ST6GALNAC3: variants seen among roughly 807,000 people sequenced by gnomAD.
ST6GALNAC3 encodes ST6 N-acetylgalactosaminide alpha-2,6-sialyltransferase 3, also known as alpha-N-acetylgalactosaminide alpha-2,6-sialyltransferase 3.
Under a neutral mutation model 32.7 loss-of-function variants are expected in ST6GALNAC3, and 25 were observed. The ratio of observed to expected loss-of-function variants is 0.76; its 90% CI spans 0.56 to 1.07. The LOEUF (loss-of-function observed/expected upper bound fraction) is 1.07. Among genes scored for constraint, ST6GALNAC3 ranks in the 50% least tolerant of loss-of-function variants. The probability of loss-of-function intolerance (pLI) is 0.00; values close to 1 mark genes in which losing one functional copy is unlikely to be tolerated. For missense variants in ST6GALNAC3, 355 were observed against 382.4 expected (o/e 0.93, Z 0.60); for synonymous variants, 129 against 133.1 (o/e 0.97, Z 0.21).
chr1:76,446,860 C>A (rs1458686792), intron 3 of ST6GALNAC3, among the ~76,000 whole-genome samples: 1 of 152,116 alleles, frequency 6.6e-6, no homozygotes, highest in African/African-American at 2.4e-5. Context: ...ACTATAAGTC[C>A]ATTAAACCCT....
chr1:76,446,362 T>A (rs1005246433), intron 3 of ST6GALNAC3, among the ~76,000 whole-genome samples: 1 of 152,154 alleles, frequency 6.6e-6, no homozygotes. Flanking sequence ...GCAAAGTGTA[T>A]GTGAGCATGT....
rs546877538 is a variant in ST6GALNAC3 at position 76,560,925 on chromosome 1, A to G, written c.624-66527A>G. Among the ~76,000 whole-genome samples, 5 of 151,644 alleles carry G rather than the reference A, an allele frequency of 3.3e-5. No individual in the cohort carries two copies. The South Asian group carries it at 1.0e-3, about 31-fold the overall frequency. On this transcript the variant is annotated intron_variant, in intron 3 of 4. Transcript: ENST00000328299. Reference sequence around the variant, plus strand: ...AAGAACTTGGAAGCCAAAATTTGGAAGCCAAAACTTGGAAGCAACCTAAGT... The same window carrying G: ...AAGAACTTGGAAGCCAAAATTTGGAGGCCAAAACTTGGAAGCAACCTAAGT...
chr1:76,171,142 A>G (rs1438237214), intron 1 of ST6GALNAC3, among the ~76,000 whole-genome samples: 1 of 150,270 alleles, frequency 6.7e-6, no homozygotes, highest in African/African-American at 2.5e-5. Context: ...TATTATCCCA[A>G]ATAATCATAT....
intron 1 of ST6GALNAC3, among the ~76,000 whole-genome samples, chr1:76,181,513 T>C (rs1460951384): frequency 6.6e-6 from 1 of 152,230 alleles, no homozygotes; most frequent in Non-Finnish European, 1.5e-5. Context: ...TGTTTTATTC[T>C]TTCAATTACA....
intron 3 of ST6GALNAC3, among the ~76,000 whole-genome samples, chr1:76,618,915 A>G (rs535883379): frequency 3.9e-5 from 6 of 152,324 alleles, no homozygotes; most frequent in Middle Eastern, 3.4e-3. Context: ...GCTATGTTCT[A>G]GGATGGAATG....
At chr1:76,505,832 A>C (rs1438317390) in intron 3 of ST6GALNAC3, among the ~76,000 whole-genome samples, 3 of 152,012 alleles carry the variant, frequency 2.0e-5, no homozygotes, top group Non-Finnish European at 2.9e-5. Flanking sequence ...AAATAGATGC[A>C]TGGGGCAACG....
intron 1 of ST6GALNAC3, among the ~76,000 whole-genome samples, chr1:76,124,793 T>C (rs1649135026): frequency 6.6e-6 from 1 of 152,192 alleles, no homozygotes; most frequent in Non-Finnish European, 1.5e-5. Context: ...GGGTAAAATA[T>C]TTGTATACAA....
chr1:76,149,273 A>G (rs1650890048), intron 1 of ST6GALNAC3, among the ~76,000 whole-genome samples: 1 of 152,218 alleles, frequency 6.6e-6, no homozygotes, highest in Non-Finnish European at 1.5e-5. Flanking sequence ...TCAACCATGT[A>G]TAGTGAAGAA....
At chr1:76,136,966 A>G (rs1055256784) in intron 1 of ST6GALNAC3, among the ~76,000 whole-genome samples, 4 of 152,226 alleles carry the variant, frequency 2.6e-5, no homozygotes, top group East Asian at 3.8e-4. Context: ...AGTCTTTACA[A>G]TAGCTTATGA....
rs142019294 is a variant in ST6GALNAC3 at position 76,567,200 on chromosome 1, G to A, written c.624-60252G>A. Among the ~76,000 whole-genome samples the A allele has an allele frequency of 4.4e-3, 674 of 152,270 alleles. 1 individual carries two copies. Among genetic ancestry groups the A allele is most frequent in the Non-Finnish European group, 5.9e-3 (402 of 68,022 alleles). ...ATTCAATATGATTTTAAAGCCATGA[G>A]ACCCTCTCATTCTTGGTTTTGATGT... On this transcript the variant is annotated intron_variant, in intron 3 of 4. Coordinates refer to ENST00000328299, the MANE Select transcript of ST6GALNAC3 (RefSeq NM_152996.4).
chr1:76,113,304 C>T (rs1254120924), intron 1 of ST6GALNAC3, among the ~76,000 whole-genome samples: 1 of 135,818 alleles, frequency 7.4e-6, no homozygotes, highest in Admixed American at 7.9e-5. Context: ...GTCCAGCTTC[C>T]GCTCGGCATC....
chr1:76,628,856 C>G lies in ST6GALNAC3; in HGVS notation c.*50C>G. 2 of 1,593,292 alleles carry G rather than the reference C, an allele frequency of 1.3e-6. No individual in the cohort carries two copies. The highest frequency in any genetic ancestry group is 1.7e-6 in the Non-Finnish European group (2 of 1,173,732). ...ATCACTTAATGTGATCCCCATACTGCAACTGTGATGCTGATGATGCTAATG... is the reference window on the plus strand; with the variant it reads ...ATCACTTAATGTGATCCCCATACTGGAACTGTGATGCTGATGATGCTAATG... On this transcript the variant is annotated 3_prime_UTR_variant, in exon 5 of 5. Transcript: ENST00000328299.
intron 2 of ST6GALNAC3, among the ~76,000 whole-genome samples, chr1:76,338,001 A>G (rs958609630): frequency 8.5e-5 from 13 of 152,150 alleles, no homozygotes; most frequent in African/African-American, 2.7e-4. Flanking sequence ...GTGGCCCTCC[A>G]TGGAGCACCT....
chr1:76,123,100 G>A (rs1316184355), intron 1 of ST6GALNAC3, among the ~76,000 whole-genome samples: 3 of 152,160 alleles, frequency 2.0e-5, no homozygotes, highest in African/African-American at 7.2e-5. Context: ...GGCTGGGCAC[G>A]GTGGCTCATG....
intron 3 of ST6GALNAC3, among the ~76,000 whole-genome samples, chr1:76,588,300 T>C (rs763319313): frequency 6.6e-6 from 1 of 152,090 alleles, no homozygotes; most frequent in Non-Finnish European, 1.5e-5. Flanking sequence ...ATAAAGTGTA[T>C]GATCCCTTCC....
intron 3 of ST6GALNAC3, among the ~76,000 whole-genome samples, chr1:76,488,018 G>A (rs1660240503): frequency 1.3e-5 from 2 of 152,154 alleles, no homozygotes; most frequent in Non-Finnish European, 2.9e-5. Context: ...CTGGGTATCA[G>A]CAGCGGAGGC....
At chr1:76,441,840 A>G (rs142765667) in intron 3 of ST6GALNAC3, among the ~76,000 whole-genome samples, 1 of 152,248 alleles carries the variant, frequency 6.6e-6, no homozygotes, top group African/African-American at 2.4e-5. Flanking sequence ...TTAGCAGCAA[A>G]TCTGGTTCTT....
At chr1:76,270,020 T>C (rs1342740578) in intron 1 of ST6GALNAC3, among the ~76,000 whole-genome samples, 2 of 152,194 alleles carry the variant, frequency 1.3e-5, no homozygotes, top group African/African-American at 4.8e-5. Context: ...GTTATCATTC[T>C]GGATAAGGGA....
chr1:76,273,915 T>A (rs1161351861), intron 1 of ST6GALNAC3, among the ~76,000 whole-genome samples: 1 of 152,216 alleles, frequency 6.6e-6, no homozygotes, highest in Non-Finnish European at 1.5e-5. Context: ...AGTCTATTGT[T>A]AAAAATCTCA....
Sources: gnomAD v4.1 joint callset for allele counts (sites outside exome capture counted in the v4.1 genomes callset) on GRCh38, gnomAD v4.1.1 for gene constraint, MANE v1.5 for transcripts, NCBI Gene and HGNC (gene_info 2026-07-23, HGNC 2026-07-21) for gene names.